The following IL10RB variants were observed in gnomAD, a reference collection of about 807,000 sequenced individuals.
IL10RB encodes the protein interleukin 10 receptor subunit beta.
In IL10RB, 30 loss-of-function variants were observed where a neutral mutation model predicts 38.7. The observed-to-expected ratio is 0.78, with a 90% CI of 0.58 to 1.05. The LOEUF (loss-of-function observed/expected upper bound fraction) is 1.05. Ranked by LOEUF, IL10RB falls within the 50% of genes least tolerant of loss-of-function variation. The pLI, the probability that IL10RB is intolerant of heterozygous loss-of-function variation, is 0.00. For missense variants in IL10RB, 328 were observed against 397.1 expected (o/e 0.83, Z 1.48); for synonymous variants, 142 against 145.9 (o/e 0.97, Z 0.19).
At chr21:33,306,288 C>T (rs1159357391) in intron 1 of IL10RB, among the ~76,000 whole-genome samples, 1 of 152,134 alleles carries the variant, frequency 6.6e-6, no homozygotes, top group African/African-American at 2.4e-5. Flanking sequence ...AAATTTAGAT[C>T]CACAACATTG....
rs8178437 is a variant in IL10RB at position 33,266,625 on chromosome 21, C to T, written c.49+111C>T. 4.2e-3 allele frequency: 4,573 copies of T among 1,094,378 alleles called. 135 individuals carry two copies. In the African/African-American group the frequency reaches 0.06, roughly 14 times the overall value. The allele number at this position is 1,094,378 out of a possible 1,614,324, so 67.8% of individuals were successfully genotyped here. On this transcript the variant is annotated intron_variant, in intron 1 of 6. Transcript: ENST00000290200. ...CAAGTGACTTAAGAGCCTTCGGGGC[C>T]TCGGGAGAGAAGATGCAAACGCCAC...
In IL10RB at chr21:33,279,812, T is replaced by A. The variant is rs550407665; in HGVS notation, c.392T>A (p.Phe131Tyr). 3 of 1,613,862 alleles carry A rather than the reference T, an allele frequency of 1.9e-6. No homozygotes were observed. The South Asian group carries it at 3.3e-5, about 18-fold the overall frequency. Residue 131 changes from phenylalanine to tyrosine, a missense_variant, in exon 4 of 7, where the codon TTC (phenylalanine) becomes TAC (tyrosine). Physicochemically the swap from Phe to Tyr is conservative, Grantham distance 22 (BLOSUM62 3). Transcript: ENST00000290200. ...EVLADSLHMR[F>Y]LAPKIENEYE... The stretch of plus-strand genomic sequence containing the variant: ...CTTGCTGATTCTTTACATATGCGTT[T>A]CTTAGCCCCTAAAATTGAGAATGAA...
chr21:33,287,887 G>A (rs8178522), intron 5 of IL10RB, among the ~76,000 whole-genome samples: 12,339 of 152,156 alleles, frequency 0.081, 1,597 homozygotes, highest in African/African-American at 0.28. Context: ...TTTGATGTAT[G>A]TCAGCAATAA....
chr21:33,272,916 C>T (rs189570138), intron 2 of IL10RB, among the ~76,000 whole-genome samples: 22 of 152,314 alleles, frequency 1.4e-4, no homozygotes, highest in Admixed American at 1.4e-3. Flanking sequence ...TGTCATGTTC[C>T]CTTTAGCGGT....
chr21:33,283,326 T>G, intron 5 of IL10RB, 85 bp downstream of exon 5: 7 of 1,355,270 alleles, frequency 5.2e-6, no homozygotes, highest in Non-Finnish European at 7.4e-6. Context: ...CAACTCAAAT[T>G]CCAGCTCAGT....
chr21:33,269,848 C>T (rs1989043966), intron 2 of IL10RB, among the ~76,000 whole-genome samples: 3 of 151,980 alleles, frequency 2.0e-5, no homozygotes, highest in Non-Finnish European at 4.4e-5. Flanking sequence ...TTAGTAGAGA[C>T]GGGGTTTCAC....
intron 1 of IL10RB, among the ~76,000 whole-genome samples, chr21:33,302,654 G>C (rs1296033535): frequency 6.6e-6 from 1 of 152,212 alleles, no homozygotes; most frequent in Non-Finnish European, 1.5e-5. Flanking sequence ...GGAGGGTGTG[G>C]AGAAGCTGGG....
chr21:33,281,007 G>A (rs1188462558), intron 4 of IL10RB, among the ~76,000 whole-genome samples: 1 of 152,172 alleles, frequency 6.6e-6, no homozygotes. Flanking sequence ...TGCAGGCTGG[G>A]AAGTCCAAGA....
intron 2 of IL10RB, among the ~76,000 whole-genome samples, chr21:33,269,651 A>C (rs1249575242): frequency 1.5e-5 from 2 of 137,332 alleles, no homozygotes; most frequent in Non-Finnish European, 3.1e-5. Context: ...AGATTCACCA[A>C]TTTTTTTTTT....
downstream of IL10RB, among the ~76,000 whole-genome samples, chr21:33,298,278 T>TG (rs1430917491): frequency 6.6e-6 from 1 of 151,744 alleles, no homozygotes; most frequent in Non-Finnish European, 1.5e-5. Context: ...GATCTGTGAT[T>TG]GCTTTTTTGA....
intron 4 of IL10RB, among the ~76,000 whole-genome samples, 188 bp downstream of exon 4, chr21:33,280,106 C>A (rs958482851): frequency 1.2e-4 from 18 of 152,198 alleles, no homozygotes; most frequent in Middle Eastern, 3.4e-3. Context: ...ACTTTCAGGA[C>A]AAAGTCTGCA....
exon 2 of IL10RB, chr21:33,309,310 G>A (rs950224841): frequency 1.3e-5 from 2 of 152,196 alleles, no homozygotes; most frequent in Non-Finnish European, 2.9e-5. Flanking sequence ...CCCTACTTGG[G>A]TTGGTGTTTT....
chr21:33,266,400 A>T lies in IL10RB; in HGVS notation c.-66A>T, dbSNP rs1025835868. 2.2e-5 allele frequency: 34 copies of T among 1,512,594 alleles called. No homozygotes were observed. In the East Asian group the frequency reaches 8.6e-4, roughly 38 times the overall value. 93.7% of individuals were successfully genotyped at this position (1,512,594 alleles called of 1,614,324 possible). A position where few individuals can be genotyped will look rare whatever the true frequency, so the allele number is the denominator to read the frequency against. On this transcript the variant is annotated 5_prime_UTR_variant, in exon 1 of 7. It adds an upstream start codon to the 5' untranslated region. Coordinates refer to ENST00000290200, the MANE Select transcript of IL10RB (RefSeq NM_000628.5). ...TGGTTCCCGGAAGCCGCCGCGGACA[A>T]GCTCTCCCGGGCGCGGGCGGGGGTC...
chr21:33,282,108 T>G (rs2123582519), intron 4 of IL10RB, among the ~76,000 whole-genome samples: 1 of 134,836 alleles, frequency 7.4e-6, no homozygotes, highest in South Asian at 2.3e-4. Context: ...TTTAATTTAC[T>G]TATTAGAAGT....
downstream of IL10RB, among the ~76,000 whole-genome samples, chr21:33,299,491 C>T (rs755248859): frequency 1.3e-5 from 2 of 152,228 alleles, no homozygotes; most frequent in African/African-American, 4.8e-5. Context: ...CCTTCCTCCT[C>T]GCTCTTTCTG....
At chr21:33,307,727 C>T (rs1252705773) in intron 1 of IL10RB, among the ~76,000 whole-genome samples, 1 of 152,202 alleles carries the variant, frequency 6.6e-6, no homozygotes, top group Non-Finnish European at 1.5e-5. Flanking sequence ...GTGTCTCTTT[C>T]TTAGAGAGGC....
intron 3 of IL10RB, among the ~76,000 whole-genome samples, chr21:33,277,335 A>C (rs945842596): frequency 1.7e-5 from 1 of 58,250 alleles, no homozygotes; most frequent in Non-Finnish European, 5.1e-5. Context: ...ACTTGGTCTC[A>C]AAAAAAAAAA....
downstream of IL10RB, among the ~76,000 whole-genome samples, chr21:33,298,903 G>A (rs1250692044): frequency 1.3e-5 from 2 of 152,150 alleles, no homozygotes; most frequent in South Asian, 2.1e-4. Flanking sequence ...TCTCTTTGTC[G>A]TCATGTGTGC....
chr21:33,292,011 C>T (rs1308876359), intron 6 of IL10RB, among the ~76,000 whole-genome samples: 1 of 152,186 alleles, frequency 6.6e-6, no homozygotes, highest in Non-Finnish European at 1.5e-5. Context: ...CTGGCTGTGT[C>T]ATCATGTCTC....
Sources: gnomAD v4.1 joint callset for allele counts (sites outside exome capture counted in the v4.1 genomes callset) on GRCh38, gnomAD v4.1.1 for gene constraint, MANE v1.5 for transcripts, NCBI Gene and HGNC (gene_info 2026-07-23, HGNC 2026-07-21) for gene names.